Variants in FMNL1 observed in about 807,000 individuals in gnomAD.
FMNL1 encodes formin like 1.
Under a neutral mutation model 121.3 loss-of-function variants are expected in FMNL1, and 43 were observed. That is an observed-to-expected ratio of 0.35 (90% CI 0.28 to 0.46). The LOEUF is 0.46. FMNL1 is among the 20% of genes least tolerant of loss of function. FMNL1 has a pLI of 1.00. For synonymous variants in FMNL1, 613 were observed against 613.5 expected (o/e 1.00, Z 0.01); for missense variants, 1,191 against 1,482.4 (o/e 0.80, Z 3.23).
Position 45,233,303 on chromosome 17 carries a change from T to A in FMNL1, c.401+6T>A, listed in dbSNP as rs2043479212. 6.4e-7 allele frequency: 1 copy of A among 1,556,026 alleles called. No homozygotes were observed. On this transcript the variant is annotated splice_donor_region_variant and intron_variant, in intron 4 of 26. Transcript: ENST00000331495. The surrounding 1 kb of genome is among the most constrained non-coding windows in gnomAD (Gnocchi z 4.1). ...CTGAGGACCAACCACATTGGGTGAGTGAGGGCTCAGATCTTCCTCTCTGGG... is the reference window on the plus strand; with the variant it reads ...CTGAGGACCAACCACATTGGGTGAGAGAGGGCTCAGATCTTCCTCTCTGGG...
chr17:45,240,641 G>T lies in FMNL1; in HGVS notation c.1230+16G>T. The T allele has an allele frequency of 6.2e-7, 1 of 1,610,008 alleles. No homozygotes were observed. The highest frequency in any genetic ancestry group is 1.1e-5 in the South Asian group (1 of 90,602). Reference sequence around the variant, plus strand: ...AGTGGCGCTGGTGAGAGTGGGTCCTGACCCCAGCCCAGCACATCATAGGCC... The same window carrying T: ...AGTGGCGCTGGTGAGAGTGGGTCCTTACCCCAGCCCAGCACATCATAGGCC... On this transcript the variant is annotated intron_variant, in intron 12 of 26. Coordinates refer to ENST00000331495, the MANE Select transcript of FMNL1 (RefSeq NM_005892.4).
rs1481362445 is a variant in FMNL1, at chr17:45,244,909, G to A, written c.2598+10G>A. 1.2e-6 allele frequency: 2 copies of A among 1,613,270 alleles called. No individual in the cohort carries two copies. Among genetic ancestry groups the A allele is most frequent in the African/African-American group, 1.3e-5 (1 of 74,922 alleles). ...CCAGAGCCTGGATGCGGTGAGGAGG[G>A]GCCCCTGGCTTGGGGACTGGGGCTG... On this transcript the variant is annotated intron_variant, in intron 20 of 26. Coordinates refer to ENST00000331495, the MANE Select transcript of FMNL1 (RefSeq NM_005892.4).
intron 1 of FMNL1, among the ~76,000 whole-genome samples, chr17:45,225,531 TACTAAC>T (rs1316140479): frequency 1.3e-5 from 2 of 152,180 alleles, no homozygotes; most frequent in Non-Finnish European, 2.9e-5. Context: ...GGCTGGCACA[TACTAAC>T]CCTGGAAAGC....
At chr17:45,238,306 T>G in intron 9 of FMNL1, 1 of 412,136 alleles carries the variant, frequency 2.4e-6, no homozygotes, top group South Asian at 3.2e-5. Context: ...GGTGTGGGAG[T>G]GAGGGCACTC....
chr17:45,222,210 T>C lies in FMNL1; in HGVS notation c.86T>C (p.Met29Thr). The change falls in exon 1 of 27, where the codon ATG becomes ACG. Residue 29 changes from methionine (M) to threonine (T), a missense_variant. Transcript: ENST00000331495. The part of the protein sequence containing the change: ...PKQPAPPKQP[M>T]PAAGELEERF... Reference sequence around the variant, plus strand: ...CAGCCCGCGCCTCCCAAGCAGCCGATGCCCGCGGCCGGAGAGCTGGAGGAG... The same window carrying C: ...CAGCCCGCGCCTCCCAAGCAGCCGACGCCCGCGGCCGGAGAGCTGGAGGAG... 1 of 1,250,122 alleles carries C rather than the reference T, an allele frequency of 8.0e-7. No individual in the cohort carries two copies. The highest frequency in any genetic ancestry group is 1.0e-6 in the Non-Finnish European group (1 of 991,684). The allele number at this position is 1,250,122 out of a possible 1,614,324, so 77.4% of individuals were successfully genotyped here. A position where few individuals can be genotyped will look rare whatever the true frequency, so the allele number is the denominator to read the frequency against.
In FMNL1 at chr17:45,221,900, C is replaced by A. The variant is rs1053042224; in HGVS notation, c.-225C>A. 9.0e-6 allele frequency: 3 copies of A among 333,892 alleles called. No homozygotes were observed. Among genetic ancestry groups the A allele is most frequent in the Non-Finnish European group, 1.6e-5 (3 of 185,060 alleles). The allele number at this position is 333,892 out of a possible 1,614,324, so 20.7% of individuals were successfully genotyped here. On this transcript the variant is annotated 5_prime_UTR_variant, in exon 1 of 27. Transcript: ENST00000331495. ...CCTGCAGCCTGACTTCCTCCCCCAACCCTGCAGCTCGCCGCCCGGTCCCAC... is the reference window on the plus strand; with the variant it reads ...CCTGCAGCCTGACTTCCTCCCCCAAACCTGCAGCTCGCCGCCCGGTCCCAC...
chr17:45,225,534 T>C (rs2143177773), intron 1 of FMNL1, among the ~76,000 whole-genome samples: 1 of 152,350 alleles, frequency 6.6e-6, no homozygotes, highest in Non-Finnish European at 1.5e-5. Context: ...TGGCACATAC[T>C]AACCCTGGAA....
In FMNL1 at chr17:45,232,361, C is replaced by T; in HGVS notation, c.214-6C>T. On this transcript the variant is annotated splice_polypyrimidine_tract_variant and splice_region_variant and intron_variant, in intron 2 of 26. Coordinates refer to ENST00000331495, the MANE Select transcript of FMNL1 (RefSeq NM_005892.4). The stretch of plus-strand genomic sequence containing the variant: ...GTTTTCTGTACACCCCATTCCATCT[C>T]CCCAGGAGCGGTTTCAAGTCAAGAA... The T allele has an allele frequency of 6.2e-7, 1 of 1,613,664 alleles. No individual in the cohort carries two copies.
Position 45,245,290 on chromosome 17 carries a change from G to A in FMNL1, c.2766G>A (p.Leu922=). Residue 922 remains leucine (L), a synonymous_variant, in exon 22 of 27, where the codon CTG becomes CTA. Transcript: ENST00000331495. ...LDSVLADVRS[L]QRGLELTQRE... is the part of the protein sequence containing the mutation. ...GTGTCCTGGCGGACGTGCGCTCCCT[G>A]CAGCGAGGCCTAGAGTTGACACAGA... 1 of 1,614,214 alleles carries A rather than the reference G, an allele frequency of 6.2e-7. No homozygotes were observed. Among genetic ancestry groups the A allele is most frequent in the Non-Finnish European group, 8.5e-7 (1 of 1,180,026 alleles).
chr17:45,225,090 A>G lies in FMNL1; in HGVS notation c.129+2837A>G, dbSNP rs550738863. Among the ~76,000 whole-genome samples the G allele has an allele frequency of 8.5e-5, 13 of 152,374 alleles. No individual in the cohort carries two copies. The South Asian group carries it at 2.5e-3, about 29-fold the overall frequency. ...AGGGAGAATCCCATAACCTTGGGGCAGAGGGATCAAGGGAAGGTGTCAGGG... is the reference window on the plus strand; with the variant it reads ...AGGGAGAATCCCATAACCTTGGGGCGGAGGGATCAAGGGAAGGTGTCAGGG... On this transcript the variant is annotated intron_variant, in intron 1 of 26. Transcript: ENST00000331495.
Position 45,241,357 on chromosome 17 carries a change from C to G in FMNL1, c.1333-25C>G. On this transcript the variant is annotated intron_variant, in intron 13 of 26. Coordinates refer to ENST00000331495, the MANE Select transcript of FMNL1 (RefSeq NM_005892.4). The surrounding 1 kb of genome is among the most constrained non-coding windows in gnomAD (Gnocchi z 7.0). ...GTGCCAAGGAGCCTGCTGGTGGGCA[C>G]TGACCCCTCCCGTGGGGTTCGTAGG... 6.3e-7 allele frequency: 1 copy of G among 1,580,222 alleles called. No individual in the cohort carries two copies. The highest frequency in any genetic ancestry group is 8.6e-7 in the Non-Finnish European group (1 of 1,163,278).
In FMNL1 at chr17:45,222,075, A is replaced by G. The variant is rs942813966; in HGVS notation, c.-50A>G. The G allele has an allele frequency of 5.3e-6, 6 of 1,134,262 alleles. No homozygotes were observed. The African/African-American group carries it at 8.3e-5, about 16-fold the overall frequency. 70.3% of individuals were successfully genotyped at this position (1,134,262 alleles called of 1,614,324 possible). ...GGAGCCTCGTCCCCGTCCCCCGGAA[A>G]GCTGGATTTCCGAGGCTGGAGGCGC... is the stretch of plus-strand genomic sequence containing the variant. On this transcript the variant is annotated 5_prime_UTR_variant, in exon 1 of 27. Transcript: ENST00000331495.
chr17:45,241,369 G>C lies in FMNL1; in HGVS notation c.1333-13G>C. 4 of 1,575,476 alleles carry C rather than the reference G, an allele frequency of 2.5e-6. No homozygotes were observed. The South Asian group carries it at 4.6e-5, about 18-fold the overall frequency. On this transcript the variant is annotated splice_polypyrimidine_tract_variant and intron_variant, in intron 13 of 26. Transcript: ENST00000331495. This position sits in a 1 kb window ranked among gnomAD's most constrained non-coding sequence, Gnocchi z 7.0. ...CTGCTGGTGGGCACTGACCCCTCCC[G>C]TGGGGTTCGTAGGAGCGCTTCAGCG...
intron 19 of FMNL1, 70 bp downstream of exon 19, chr17:45,244,314 C>T: frequency 6.7e-7 from 1 of 1,502,326 alleles, no homozygotes; most frequent in Non-Finnish European, 9.1e-7. Context: ...CCAGGCCCTG[C>T]TCACCTGCAA....
At position 45,222,247 on chromosome 17, in the gene FMNL1, C is replaced by A. The variant is rs913486163; in HGVS notation, c.123C>A (p.Arg41=). Residue 41 remains arginine (R), a synonymous_variant, in exon 1 of 27, where the codon CGC becomes CGA. Transcript: ENST00000331495. ...GAGAGCTGGAGGAGAGGTTCAACCG[C>A]GCCCTGGTGAGTGCGACCCGGAGGC... ...AAGELEERFN[R]ALNCMNLPPD... 1 of 1,208,458 alleles carries A rather than the reference C, an allele frequency of 8.3e-7. No individual in the cohort carries two copies. 74.9% of individuals were successfully genotyped at this position (1,208,458 alleles called of 1,614,324 possible).
intron 1 of FMNL1, 131 bp from the exon 2 acceptor site, chr17:45,230,473 C>T: frequency 1.4e-6 from 1 of 736,602 alleles, no homozygotes; most frequent in Non-Finnish European, 2.3e-6. Context: ...CTACGTATCT[C>T]CTAGGGTCAG....
chr17:45,245,216 G>A (rs770792815), intron 21 of FMNL1, 37 bp from the exon 22 acceptor site: 12 of 1,613,254 alleles, frequency 7.4e-6, no homozygotes, highest in Admixed American at 1.7e-5. Flanking sequence ...CTGCCTCTCC[G>A]ATTCACTGAC....
rs897282301 is a variant in FMNL1 at position 45,237,043 on chromosome 17, G to T, written c.724-238G>T. ...TGAGTCAGGAGAATCACTTGAACCCGGGAGGCAGAGACTGCGGTGAGCTGA... is the reference window on the plus strand; with the variant it reads ...TGAGTCAGGAGAATCACTTGAACCCTGGAGGCAGAGACTGCGGTGAGCTGA... On this transcript the variant is annotated intron_variant, in intron 7 of 26. Transcript: ENST00000331495. The surrounding 1 kb of genome is among the most constrained non-coding windows in gnomAD (Gnocchi z 4.4). 6.6e-6 allele frequency among the ~76,000 whole-genome samples: 1 copy of T among 152,204 alleles called. No homozygotes were observed. The highest frequency in any genetic ancestry group is 1.5e-5 in the Non-Finnish European group (1 of 68,038).
At chr17:45,245,608 G>A (rs1206519553) in intron 22 of FMNL1, 24 bp from the exon 23 acceptor site, 1 of 1,613,324 alleles carries the variant, frequency 6.2e-7, no homozygotes, top group Admixed American at 1.7e-5. Context: ...TCTAAGCTGG[G>A]GGGCTGACAG....
Sources: gnomAD v4.1 joint callset for allele counts (sites outside exome capture counted in the v4.1 genomes callset) on GRCh38, gnomAD v4.1.1 for gene constraint, Gnocchi (gnomAD v3.1) non-coding constraint, MANE v1.5 for transcripts, NCBI Gene and HGNC (gene_info 2026-07-23, HGNC 2026-07-21) for gene names.